Variants in RORA observed in about 807,000 individuals in gnomAD.
RORA encodes RAR related orphan receptor A.
Under a neutral mutation model 69.5 loss-of-function variants are expected in RORA, and 7 were observed. The ratio of observed to expected loss-of-function variants is 0.10; its 90% CI spans 0.06 to 0.19. The LOEUF (loss-of-function observed/expected upper bound fraction) is 0.19. Ranked by LOEUF, RORA falls within the 10% of genes least tolerant of loss-of-function variation. The pLI is 1.00. For missense variants in RORA, 457 were observed against 663.0 expected (o/e 0.69, Z 3.41); for synonymous variants, 261 against 240.8 (o/e 1.08, Z -0.78).
At position 60,885,492 on chromosome 15, in the gene RORA, C is replaced by T. The variant is rs78406946; in HGVS notation, c.167-206806G>A. Among the ~76,000 whole-genome samples the T allele has an allele frequency of 6.8e-3, 1,032 of 152,296 alleles. 10 individuals are homozygous for T. Among genetic ancestry groups the T allele is most frequent in the African/African-American group, 0.024 (976 of 41,532 alleles). ...GGCCTAGCCCTGTCTGAATTCCTGACCCAAGAAACATTGTGAGATATAACA... is the reference window on the plus strand; with the variant it reads ...GGCCTAGCCCTGTCTGAATTCCTGATCCAAGAAACATTGTGAGATATAACA... On this transcript the variant is annotated intron_variant, in intron 1 of 10. Transcript: ENST00000335670.
chr15:60,898,786 C>T (rs867339033), intron 1 of RORA, among the ~76,000 whole-genome samples: 1 of 152,204 alleles, frequency 6.6e-6, no homozygotes, highest in Admixed American at 6.5e-5. Context: ...TTTTGAGAAA[C>T]ATCACATAGG....
At chr15:60,515,914 T>C (rs1705820208) in intron 3 of RORA, among the ~76,000 whole-genome samples, 1 of 79,182 alleles carries the variant, frequency 1.3e-5, no homozygotes, top group South Asian at 3.1e-4. Flanking sequence ...ATATATTGTA[T>C]TTATATATAT....
intron 1 of RORA, among the ~76,000 whole-genome samples, chr15:60,689,476 GTC>G (rs1484655430): frequency 6.6e-6 from 1 of 151,954 alleles, no homozygotes; most frequent in East Asian, 1.9e-4. Context: ...TTTTCCATTT[GTC>G]TTTTTTTAAA....
At chr15:60,921,920 C>A (rs765360586) in intron 1 of RORA, among the ~76,000 whole-genome samples, 4 of 152,002 alleles carry the variant, frequency 2.6e-5, no homozygotes, top group Non-Finnish European at 5.9e-5. Flanking sequence ...ATGTGATGGA[C>A]AATATTGAAT....
At chr15:60,862,052 T>C (rs1482401535) in intron 1 of RORA, among the ~76,000 whole-genome samples, 5 of 152,258 alleles carry the variant, frequency 3.3e-5, no homozygotes, top group African/African-American at 1.2e-4. Context: ...CTCCTGCCCA[T>C]GAATATACCA....
At chr15:61,109,788 A>C (rs1483763628) in intron 1 of RORA, among the ~76,000 whole-genome samples, 1 of 152,184 alleles carries the variant, frequency 6.6e-6, no homozygotes, top group Non-Finnish European at 1.5e-5. Context: ...TTACCTTCCC[A>C]GTGCCTCAGT....
At chr15:61,028,554 G>A (rs1412784089) in intron 1 of RORA, among the ~76,000 whole-genome samples, 1 of 152,198 alleles carries the variant, frequency 6.6e-6, no homozygotes, top group Non-Finnish European at 1.5e-5. Context: ...GAAAAGACCA[G>A]CATTAAATTA....
At chr15:61,080,533 T>G (rs1595960134) in intron 1 of RORA, among the ~76,000 whole-genome samples, 1 of 152,286 alleles carries the variant, frequency 6.6e-6, no homozygotes, top group African/African-American at 2.4e-5. Context: ...AGATCTGGCC[T>G]TAATAAAAAG....
In RORA at chr15:60,493,985, ACACT is replaced by A. The variant is rs1470650859; in HGVS notation, c.*3466_*3469del. 7.2e-6 allele frequency: 1 copy of A among 138,908 alleles called. No individual in the cohort carries two copies. The highest frequency in any genetic ancestry group is 1.6e-5 in the Non-Finnish European group (1 of 63,016). The allele number at this position is 138,908 out of a possible 1,614,324, so 8.6% of individuals were successfully genotyped here. ...CACACACACACACACACACACACAC[ACACT>A]CCTTCCTCACCTGACCCTCAGCCCA... On this transcript the variant is annotated 3_prime_UTR_variant, in exon 11 of 11. Transcript: ENST00000335670.
At chr15:60,836,067 T>C (rs549972544) in intron 1 of RORA, among the ~76,000 whole-genome samples, 3 of 152,244 alleles carry the variant, frequency 2.0e-5, no homozygotes, top group African/African-American at 7.2e-5. Flanking sequence ...ATATTTCTTA[T>C]GGTTAAGCAT....
chr15:61,215,643 T>A (rs2080034229), intron 1 of RORA, among the ~76,000 whole-genome samples: 1 of 152,262 alleles, frequency 6.6e-6, no homozygotes, highest in Non-Finnish European at 1.5e-5. Flanking sequence ...AATATGTATG[T>A]GTGCATGTGT....
rs1163502661 is a variant in RORA at position 60,492,837 on chromosome 15, T to C, written c.*4618A>G. 6.6e-6 allele frequency: 1 copy of C among 152,092 alleles called. No homozygotes were observed. The highest frequency in any genetic ancestry group is 1.5e-5 in the Non-Finnish European group (1 of 67,990). 9.4% of individuals were successfully genotyped at this position (152,092 alleles called of 1,614,324 possible). On this transcript the variant is annotated 3_prime_UTR_variant, in exon 11 of 11. Transcript: ENST00000335670. ...ACATCAAGTTCTAAACTCAACAAAA[T>C]GAGACGAGAGTAAAGAGTTTACACA...
rs967253150 is a variant in RORA, at chr15:61,226,815, C to A, written c.166+2238G>T. Among the ~76,000 whole-genome samples the A allele has an allele frequency of 6.6e-6, 1 of 152,088 alleles. No individual in the cohort carries two copies. Among genetic ancestry groups the A allele is most frequent in the African/African-American group, 2.4e-5 (1 of 41,386 alleles). ...TTGAGTGTTTGGGCCTTACCACCCCCCTCCCATTAAATCTTCCAGGAGGGA... is the reference window on the plus strand; with the variant it reads ...TTGAGTGTTTGGGCCTTACCACCCCACTCCCATTAAATCTTCCAGGAGGGA... On this transcript the variant is annotated intron_variant, in intron 1 of 10. Transcript: ENST00000335670. The surrounding 1 kb of genome is among the most constrained non-coding windows in gnomAD (Gnocchi z 4.2).
At chr15:61,164,138 T>C (rs1329959421) in intron 1 of RORA, among the ~76,000 whole-genome samples, 1 of 150,682 alleles carries the variant, frequency 6.6e-6, no homozygotes, top group African/African-American at 2.5e-5. Flanking sequence ...CTCAGTGGCC[T>C]GTATCAAAAA....
chr15:61,114,766 CAA>C (rs2079035433), intron 1 of RORA, among the ~76,000 whole-genome samples: 1 of 152,188 alleles, frequency 6.6e-6, no homozygotes, highest in South Asian at 2.1e-4. Context: ...TCAGCCCAAG[CAA>C]GTGCACTCCT....
At chr15:60,785,632 C>T (rs16943115) in intron 1 of RORA, among the ~76,000 whole-genome samples, 5,362 of 152,258 alleles carry the variant, frequency 0.035, 299 homozygotes, top group African/African-American at 0.12. Flanking sequence ...TGCTTCCTCA[C>T]GTTTCAGGGC....
At chr15:60,542,548 ACATGCACACCTCACACACACGGCACG>A (rs1308290298) in intron 2 of RORA, among the ~76,000 whole-genome samples, 5,955 of 134,668 alleles carry the variant, frequency 0.044, 843 homozygotes, top group African/African-American at 0.2. Context: ...CAGATGGCAC[ACATGCACACCTCACACACACGGCACG>A]CATGCACACC....
At chr15:61,193,166 C>T (rs12442490) in intron 1 of RORA, among the ~76,000 whole-genome samples, 22,410 of 152,164 alleles carry the variant, frequency 0.15, 2,301 homozygotes, top group African/African-American at 0.27. Context: ...TCCTACCCCT[C>T]ACACTTTGTT....
At chr15:60,603,230 G>A (rs1274334399) in intron 2 of RORA, among the ~76,000 whole-genome samples, 1 of 152,134 alleles carries the variant, frequency 6.6e-6, no homozygotes, top group Non-Finnish European at 1.5e-5. Flanking sequence ...AATATTCATG[G>A]TACAGGCTGT....
Sources: allele counts gnomAD v4.1 joint callset (sites outside exome capture counted in the v4.1 genomes callset), GRCh38; gene constraint gnomAD v4.1.1; non-coding constraint Gnocchi (gnomAD v3.1); transcripts MANE v1.5; gene names NCBI Gene and HGNC (gene_info 2026-07-23, HGNC 2026-07-21).